Variants in FGD3 observed in about 807,000 individuals in gnomAD.
The protein encoded by FGD3 is FYVE, RhoGEF and PH domain-containing protein 3.
A neutral mutation model predicts 71.8 loss-of-function variants in FGD3; 45 were observed. The observed-to-expected ratio is 0.63, with a 90% CI of 0.49 to 0.80. The LOEUF is 0.80. Among genes scored for constraint, FGD3 ranks in the 30% least tolerant of loss-of-function variants. The pLI is 0.00. For missense variants in FGD3, 844 were observed against 951.5 expected (o/e 0.89, Z 1.49); for synonymous variants, 378 against 392.8 (o/e 0.96, Z 0.44).
chr9:93,016,625 C>T (rs543745704), intron 10 of FGD3, among the ~76,000 whole-genome samples: 126 of 150,678 alleles, frequency 8.4e-4, no homozygotes, highest in African/African-American at 5.9e-4. Flanking sequence ...CATGAGCCAC[C>T]GCACCCAGCC....
At chr9:93,018,936 C>A (rs1388699863) in intron 11 of FGD3, among the ~76,000 whole-genome samples, 1 of 152,138 alleles carries the variant, frequency 6.6e-6, no homozygotes, top group Non-Finnish European at 1.5e-5. Context: ...ACCTCCACCT[C>A]CCAGGTTCAA....
At chr9:92,966,974 T>G (rs28438460) in intron 1 of FGD3, among the ~76,000 whole-genome samples, 10,404 of 149,910 alleles carry the variant, frequency 0.069, 919 homozygotes, top group African/African-American at 0.21. Flanking sequence ...TTTTTTTTTT[T>G]GGGGGGGGAT....
chr9:93,000,654 A>T (rs1017914696), intron 3 of FGD3, among the ~76,000 whole-genome samples: 14 of 152,038 alleles, frequency 9.2e-5, no homozygotes, highest in African/African-American at 3.1e-4. Context: ...ATCCTCTCAT[A>T]ATCTTATGGA....
At chr9:92,989,421 T>A (rs1449542401) in intron 3 of FGD3, among the ~76,000 whole-genome samples, 1 of 152,264 alleles carries the variant, frequency 6.6e-6, no homozygotes, top group Non-Finnish European at 1.5e-5. Context: ...CCACCGCACC[T>A]GGCCTCATCA....
At chr9:93,028,659 C>T (rs190276653) in intron 14 of FGD3, among the ~76,000 whole-genome samples, 29 of 152,328 alleles carry the variant, frequency 1.9e-4, no homozygotes, top group African/African-American at 7.0e-4. Context: ...AGCAACTTGC[C>T]AAACGCAGTC....
rs538735004 is a variant in FGD3, at chr9:92,967,064, C to T, written c.-217-8174C>T. On this transcript the variant is annotated intron_variant, in intron 1 of 17. Coordinates refer to ENST00000375482, the MANE Select transcript of FGD3 (RefSeq NM_001083536.2). ...GCAACCTCCATCTCCCAGGTTCAAG[C>T]GATTCTCCTGCTTCAGCCTCCCAAG... is the stretch of plus-strand genomic sequence containing the variant. Among the ~76,000 whole-genome samples, 202 of 151,544 alleles carry T rather than the reference C, an allele frequency of 1.3e-3. 1 individual carries two copies. The highest frequency in any genetic ancestry group is 4.4e-3 in the African/African-American group (183 of 41,294).
At chr9:93,023,432 C>T (rs1862002391) in intron 14 of FGD3, among the ~76,000 whole-genome samples, 1 of 152,220 alleles carries the variant, frequency 6.6e-6, no homozygotes, top group Admixed American at 6.5e-5. Flanking sequence ...TCCCAACGGG[C>T]AAGAGGAGAG....
intron 3 of FGD3, 141 bp downstream of exon 3, chr9:92,976,850 T>G (rs1859781481): frequency 5.0e-6 from 5 of 990,878 alleles, no homozygotes; most frequent in Admixed American, 5.9e-5. Context: ...GGGGAGGTCC[T>G]GGGATGCAGT....
intron 3 of FGD3, among the ~76,000 whole-genome samples, chr9:92,998,775 C>CTGCAGAACAGCAAATAT (rs1337612735): frequency 7.9e-5 from 12 of 152,184 alleles, no homozygotes; most frequent in Admixed American, 7.9e-4. Context: ...CAAGTGGAGG[C>CTGCAGAACAGCAAATAT]TGCAGAACAG....
chr9:93,035,496 G>A lies in FGD3; in HGVS notation c.2085G>A (p.Leu695=), dbSNP rs756152658. ...CCGCAGAGCTGCAGCAGCAGTGGCT[G>A]GAAACCCTAAGCACTGCTGCCCATG... is the stretch of plus-strand genomic sequence containing the variant. ...ASSAELQQQW[L]ETLSTAAHGD... Residue 695 remains leucine, a synonymous_variant, in exon 18 of 18, where the codon CTG becomes CTA. Transcript: ENST00000375482. The A allele has an allele frequency of 5.6e-6, 9 of 1,613,378 alleles. No individual in the cohort carries two copies. The highest frequency in any genetic ancestry group is 7.6e-6 in the Non-Finnish European group (9 of 1,180,010).
At chr9:92,978,470 G>C (rs926072929) in intron 3 of FGD3, among the ~76,000 whole-genome samples, 1 of 131,668 alleles carries the variant, frequency 7.6e-6, no homozygotes, top group Non-Finnish European at 1.5e-5. Context: ...TTGGACAAGA[G>C]ACTGATTAAC....
At chr9:93,007,958 G>A (rs2118722536) in intron 6 of FGD3, among the ~76,000 whole-genome samples, 1 of 152,310 alleles carries the variant, frequency 6.6e-6, no homozygotes, top group African/African-American at 2.4e-5. Context: ...AAGACCTGGT[G>A]TGGAAAAAAC....
At chr9:93,006,255 C>A in intron 6 of FGD3, 75 bp downstream of exon 6, 1 of 1,396,196 alleles carries the variant, frequency 7.2e-7, no homozygotes, top group Non-Finnish European at 9.4e-7. Flanking sequence ...TTTTTAAAAA[C>A]ATATGTATAT....
chr9:93,023,944 G>A (rs1862027736), intron 14 of FGD3, among the ~76,000 whole-genome samples: 1 of 151,832 alleles, frequency 6.6e-6, no homozygotes, highest in South Asian at 2.1e-4. Context: ...TGGGACTACA[G>A]GCACGTGCAA....
At chr9:93,009,981 C>A (rs1861242378) in intron 6 of FGD3, among the ~76,000 whole-genome samples, 1 of 152,214 alleles carries the variant, frequency 6.6e-6, no homozygotes, top group South Asian at 2.1e-4. Flanking sequence ...TTTATTTTCT[C>A]CACCGAGGAT....
In FGD3 at chr9:92,976,590, GC is replaced by G; in HGVS notation, c.337del (p.Leu113TrpfsTer61). The G allele has an allele frequency of 6.2e-7, 1 of 1,612,768 alleles. No individual in the cohort carries two copies. Among genetic ancestry groups the G allele is most frequent in the Non-Finnish European group, 8.5e-7 (1 of 1,179,888 alleles). On this transcript the variant is annotated frameshift_variant, in exon 3 of 18. Transcript: ENST00000375482. LOFTEE classifies it high-confidence loss of function. ...TGTACTGGGGGCGCACGCAGAGATG[GC>G]CCTGGACAGCCAGGTCCCGAAGGTC... ...PTVLGAHAEM[A>X]LDSQVPKVTP...
intron 1 of FGD3, among the ~76,000 whole-genome samples, chr9:92,949,346 CTG>C (rs1858911363): frequency 6.6e-6 from 1 of 152,154 alleles, no homozygotes; most frequent in African/African-American, 2.4e-5. Flanking sequence ...TGCATTTTTG[CTG>C]TGTGTGACCT....
chr9:93,030,083 C>T, intron 15 of FGD3, 87 bp downstream of exon 15: 1 of 1,487,934 alleles, frequency 6.7e-7, no homozygotes, highest in Non-Finnish European at 9.1e-7. Flanking sequence ...AGCAGCACAC[C>T]AGCCATGCAC....
At chr9:92,970,181 CA>C (rs543367423) in intron 1 of FGD3, among the ~76,000 whole-genome samples, 14 of 152,334 alleles carry the variant, frequency 9.2e-5, no homozygotes, top group African/African-American at 3.4e-4. Flanking sequence ...GTCCCAGGGC[CA>C]GCCTCTCTGA....
Sources: allele counts gnomAD v4.1 joint callset (sites outside exome capture counted in the v4.1 genomes callset), GRCh38; gene constraint gnomAD v4.1.1; transcripts MANE v1.5; gene names NCBI Gene and HGNC (gene_info 2026-07-23, HGNC 2026-07-21).